ST6GAL2: variants seen among roughly 807,000 people sequenced by gnomAD.
ST6GAL2 encodes the protein ST6 beta-galactoside alpha-2,6-sialyltransferase 2, also known as beta-galactoside alpha-2,6-sialyltransferase 2.
Under a neutral mutation model 37.5 loss-of-function variants are expected in ST6GAL2, and 24 were observed. That is an observed-to-expected ratio of 0.64 (90% CI 0.46 to 0.90). ST6GAL2 has a LOEUF of 0.90. Ranked by LOEUF, ST6GAL2 falls within the 40% of genes least tolerant of loss-of-function variation. The pLI is 0.00. For missense variants in ST6GAL2, 715 were observed against 712.7 expected, an observed-to-expected ratio of 1.00 and a Z score of -0.04; for synonymous variants, 306 against 295.1, an observed-to-expected ratio of 1.04 and a Z score of -0.38.
intron 1 of ST6GAL2, among the ~76,000 whole-genome samples, chr2:106,849,478 C>T (rs1677271798): frequency 6.6e-6 from 1 of 152,270 alleles, no homozygotes; most frequent in East Asian, 1.9e-4. Context: ...TTAGAAGACC[C>T]TGAAGGAAAT....
chr2:106,870,958 C>G (rs1678239198), intron 1 of ST6GAL2, among the ~76,000 whole-genome samples: 1 of 152,098 alleles, frequency 6.6e-6, no homozygotes, highest in Non-Finnish European at 1.5e-5. Context: ...TCATGCCATG[C>G]TAATGACAGA....
intron 1 of ST6GAL2, among the ~76,000 whole-genome samples, chr2:106,864,474 A>G (rs960103978): frequency 2.0e-5 from 3 of 152,252 alleles, no homozygotes; most frequent in Non-Finnish European, 4.4e-5. Context: ...CAAAAATCTT[A>G]CTATAGCATT....
chr2:106,809,427 A>C (rs1362014413), intron 5 of ST6GAL2, among the ~76,000 whole-genome samples: 1 of 152,180 alleles, frequency 6.6e-6, no homozygotes, highest in East Asian at 1.9e-4. Flanking sequence ...CTAATAACAC[A>C]ATGGCGTCCG....
rs2104524490 is a variant in ST6GAL2 at position 106,844,364 on chromosome 2, G to C, written c.-57-330C>G. Among the ~76,000 whole-genome samples, 3 of 152,192 alleles carry C rather than the reference G, an allele frequency of 2.0e-5. 1 individual carries two copies. The highest frequency in any genetic ancestry group is 3.4e-3 in the Middle Eastern group (1 of 294). The stretch of plus-strand genomic sequence containing the variant: ...TGCCTTCCCACTTTGATAGACAGTA[G>C]TGCCCCTGCCCACAAGTTCCCCCTA... On this transcript the variant is annotated intron_variant, in intron 1 of 5. Coordinates refer to ENST00000409382, the MANE Select transcript of ST6GAL2 (RefSeq NM_001142351.2).
intron 5 of ST6GAL2, among the ~76,000 whole-genome samples, chr2:106,823,470 CA>C (rs1558682921): frequency 9.4e-6 from 1 of 106,790 alleles, no homozygotes; most frequent in African/African-American, 3.4e-5. Flanking sequence ...CACACACACA[CA>C]CACACACACA....
At chr2:106,836,773 C>CAAAAAAAA (rs70956213) in intron 2 of ST6GAL2, among the ~76,000 whole-genome samples, 2,584 of 69,598 alleles carry the variant, frequency 0.037, no homozygotes, top group Non-Finnish European at 0.049. Context: ...ACTAAAAATA[C>CAAAAAAAA]AAAAAAAAAA....
intron 1 of ST6GAL2, among the ~76,000 whole-genome samples, chr2:106,852,042 C>T (rs1386433742): frequency 6.6e-6 from 1 of 152,194 alleles, no homozygotes; most frequent in Non-Finnish European, 1.5e-5. Flanking sequence ...CAAATGGGCC[C>T]TTCTCTTTTC....
At chr2:106,861,327 T>C (rs529852432) in intron 1 of ST6GAL2, among the ~76,000 whole-genome samples, 4 of 152,328 alleles carry the variant, frequency 2.6e-5, no homozygotes, top group Non-Finnish European at 4.4e-5. Flanking sequence ...CTTTGACCTA[T>C]AGAAATCTCT....
intron 1 of ST6GAL2, among the ~76,000 whole-genome samples, chr2:106,882,171 A>G (rs903275867): frequency 1.3e-5 from 2 of 152,198 alleles, no homozygotes; most frequent in African/African-American, 4.8e-5. Flanking sequence ...CTCTTCCATC[A>G]TATACAATCT....
At chr2:106,864,310 C>T (rs1677934083) in intron 1 of ST6GAL2, among the ~76,000 whole-genome samples, 1 of 152,170 alleles carries the variant, frequency 6.6e-6, no homozygotes, top group Non-Finnish European at 1.5e-5. Flanking sequence ...CTCTGATGGC[C>T]CTTGGTCTTC....
intron 2 of ST6GAL2, among the ~76,000 whole-genome samples, chr2:106,839,415 C>G (rs1244193376): frequency 6.6e-6 from 1 of 152,132 alleles, no homozygotes; most frequent in African/African-American, 2.4e-5. Flanking sequence ...CCTTCTCCAA[C>G]CCACAACACT....
Position 106,830,241 on chromosome 2 carries a change from C to G in ST6GAL2, c.1144-1G>C. On this transcript the variant is annotated splice_acceptor_variant, in intron 4 of 5. Transcript: ENST00000409382. LOFTEE classifies it high-confidence loss of function. ...GGTTGTAATCCGGTTTTTTGTACCA[C>G]TAAGGAAAAAAAAATCAATGCAGTC... is the stretch of plus-strand genomic sequence containing the variant. The G allele has an allele frequency of 6.3e-7, 1 of 1,599,186 alleles. No individual in the cohort carries two copies.
intron 1 of ST6GAL2, among the ~76,000 whole-genome samples, chr2:106,865,322 C>T (rs959221682): frequency 8.5e-5 from 13 of 152,162 alleles, no homozygotes; most frequent in African/African-American, 2.7e-4. Context: ...TTTCAGCCTA[C>T]CTAGAGAGCT....
At chr2:106,816,505 T>G (rs1370009658) in intron 5 of ST6GAL2, among the ~76,000 whole-genome samples, 1 of 152,206 alleles carries the variant, frequency 6.6e-6, no homozygotes, top group Non-Finnish European at 1.5e-5. Flanking sequence ...ATAATGATTC[T>G]TCAGAATATT....
intron 1 of ST6GAL2, among the ~76,000 whole-genome samples, chr2:106,868,633 A>T (rs1168318846): frequency 2.6e-5 from 4 of 152,252 alleles, no homozygotes; most frequent in African/African-American, 9.6e-5. Flanking sequence ...CCGTTATCAG[A>T]GACAGAGATG....
chr2:106,834,899 A>T (rs144254609), intron 2 of ST6GAL2: 1 of 152,282 alleles, frequency 6.6e-6, no homozygotes, highest in East Asian at 1.9e-4. Context: ...GTAAATCTAC[A>T]TCTCACTTCG....
At chr2:106,834,272 GC>G (rs1676545091) in intron 2 of ST6GAL2, 126 bp from the exon 3 acceptor site, 1 of 520,268 alleles carries the variant, frequency 1.9e-6, no homozygotes, top group East Asian at 8.6e-5. Context: ...GTTAAGATAT[GC>G]CCACATGATT....
chr2:106,881,908 T>C (rs893275602), intron 1 of ST6GAL2, among the ~76,000 whole-genome samples: 4 of 152,244 alleles, frequency 2.6e-5, no homozygotes, highest in African/African-American at 9.6e-5. Flanking sequence ...AGGAGACTAC[T>C]TTTTGAACTT....
intron 5 of ST6GAL2, among the ~76,000 whole-genome samples, chr2:106,815,630 A>T (rs1661198654): frequency 6.6e-6 from 1 of 152,214 alleles, no homozygotes; most frequent in Admixed American, 6.5e-5. Context: ...AATAGTAAAC[A>T]TTAGTTATTG....
Sources: gnomAD v4.1 joint callset for allele counts (sites outside exome capture counted in the v4.1 genomes callset) on GRCh38, gnomAD v4.1.1 for gene constraint, MANE v1.5 for transcripts, NCBI Gene and HGNC (gene_info 2026-07-23, HGNC 2026-07-21) for gene names.